Variants in MTBP observed in about 807,000 individuals in gnomAD.
MTBP encodes the protein MDM2 binding protein, also known as mdm2-binding protein.
MTBP carries 101 observed loss-of-function variants against 117.0 expected under a neutral mutation model. That is an observed-to-expected ratio of 0.86 (90% CI 0.73 to 1.02). The LOEUF is 1.02. MTBP is among the 50% of genes least tolerant of loss of function. The pLI is 0.00. For synonymous variants in MTBP, 350 were observed against 351.5 expected (o/e 1.00, Z 0.05); for missense variants, 970 against 1,030.9 (o/e 0.94, Z 0.81).
chr8:120,490,822 A>T (rs900882915), intron 13 of MTBP: 8 of 260,098 alleles, frequency 3.1e-5, no homozygotes, highest in African/African-American at 1.8e-4. Flanking sequence ...TGTATTTCAA[A>T]ATTTGTTTTT....
At chr8:120,506,441 A>C (rs1814686818) in intron 15 of MTBP, among the ~76,000 whole-genome samples, 1 of 152,210 alleles carries the variant, frequency 6.6e-6, no homozygotes, top group Non-Finnish European at 1.5e-5. Context: ...TCTTTTAAGT[A>C]GTTAAAATAC....
intron 2 of MTBP, among the ~76,000 whole-genome samples, chr8:120,446,957 T>C (rs970868842): frequency 6.6e-6 from 1 of 152,216 alleles, no homozygotes; most frequent in Non-Finnish European, 1.5e-5. Context: ...GATGAGCTTT[T>C]CTCAGTTCTT....
chr8:120,499,165 C>T (rs1319346079), intron 14 of MTBP, among the ~76,000 whole-genome samples: 1 of 152,098 alleles, frequency 6.6e-6, no homozygotes, highest in African/African-American at 2.4e-5. Context: ...ATTCTAGTAC[C>T]AGTACATTTC....
At chr8:120,486,998 T>C (rs1814235813) in intron 11 of MTBP, among the ~76,000 whole-genome samples, 1 of 152,162 alleles carries the variant, frequency 6.6e-6, no homozygotes, top group African/African-American at 2.4e-5. Flanking sequence ...TCATAGCCCC[T>C]AAAATAAACT....
At chr8:120,507,683 G>A (rs1005491844) in intron 16 of MTBP, among the ~76,000 whole-genome samples, 5 of 151,938 alleles carry the variant, frequency 3.3e-5, no homozygotes, top group African/African-American at 1.2e-4. Flanking sequence ...AAATATTGCT[G>A]GAACATTATT....
At chr8:120,490,327 G>A (rs1814316694) in intron 12 of MTBP, 136 bp from the exon 13 acceptor site, 2 of 587,022 alleles carry the variant, frequency 3.4e-6, no homozygotes, top group Non-Finnish European at 5.9e-6. Context: ...TTTGAAATAT[G>A]TAAGGTCGAG....
At chr8:120,508,164 A>C (rs1397872354) in intron 16 of MTBP, among the ~76,000 whole-genome samples, 1 of 152,182 alleles carries the variant, frequency 6.6e-6, no homozygotes, top group African/African-American at 2.4e-5. Flanking sequence ...CATGGTAATA[A>C]ATCAGGAACC....
intron 2 of MTBP, among the ~76,000 whole-genome samples, chr8:120,447,731 G>A (rs1031233514): frequency 1.3e-5 from 2 of 151,976 alleles, no homozygotes; most frequent in East Asian, 1.9e-4. Flanking sequence ...AATTTATTTT[G>A]TACCCTGTAA....
At chr8:120,472,298 G>A (rs1813832573) in intron 11 of MTBP, 1 of 152,092 alleles carries the variant, frequency 6.6e-6, no homozygotes, top group Non-Finnish European at 1.5e-5. Context: ...ATATCTATGT[G>A]GAAATTTAAA....
intron 2 of MTBP, among the ~76,000 whole-genome samples, chr8:120,447,936 T>TC (rs397958595): frequency 1.3e-5 from 2 of 151,848 alleles, no homozygotes; most frequent in Non-Finnish European, 2.9e-5. Flanking sequence ...ATTTTTTTTT[T>TC]CTTTTTTTGA....
At chr8:120,484,137 ATG>A (rs1301989426) in intron 11 of MTBP, among the ~76,000 whole-genome samples, 1 of 152,174 alleles carries the variant, frequency 6.6e-6, no homozygotes, top group African/African-American at 2.4e-5. Context: ...TTTAAAATAA[ATG>A]TGGAAAGAAT....
intron 14 of MTBP, among the ~76,000 whole-genome samples, chr8:120,500,936 A>T (rs1217710214): frequency 6.6e-6 from 1 of 152,040 alleles, no homozygotes; most frequent in Non-Finnish European, 1.5e-5. Context: ...TCACACCTGT[A>T]ATCCCAGCAC....
At chr8:120,521,574 G>A (rs2130625750) in intron 20 of MTBP, among the ~76,000 whole-genome samples, 1 of 152,258 alleles carries the variant, frequency 6.6e-6, no homozygotes, top group Middle Eastern at 3.4e-3. Context: ...GAAACATTAA[G>A]GTATAAATAA....
chr8:120,521,106 A>T (rs879514484), intron 20 of MTBP, among the ~76,000 whole-genome samples: 5 of 152,138 alleles, frequency 3.3e-5, no homozygotes, highest in Admixed American at 1.3e-4. Context: ...GGTTTAAAAA[A>T]TTTAATTAAA....
At position 120,518,685 on chromosome 8, in the gene MTBP, A is replaced by AT. The variant is rs1253504877; in HGVS notation, c.2497-18dup. ...GCCTTTTCCAAGAAATATTCGTCAT[A>AT]TGTTATGTTCTGTTCAAGATACTGA... On this transcript the variant is annotated intron_variant, in intron 19 of 21. Transcript: ENST00000305949. The AT allele has an allele frequency of 6.7e-7, 1 of 1,497,796 alleles. No individual in the cohort carries two copies. Among genetic ancestry groups the AT allele is most frequent in the Non-Finnish European group, 9.2e-7 (1 of 1,089,966 alleles). The allele number at this position is 1,497,796 out of a possible 1,614,324, so 92.8% of individuals were successfully genotyped here.
intron 11 of MTBP, among the ~76,000 whole-genome samples, chr8:120,480,992 TAAAAC>T (rs1260772746): frequency 1.1e-4 from 17 of 152,160 alleles, no homozygotes; most frequent in South Asian, 6.2e-4. Context: ...TTATATATAA[TAAAAC>T]AACCCAGTTA....
At chr8:120,470,993 C>T in intron 11 of MTBP, 56 bp downstream of exon 11, 1 of 1,188,422 alleles carries the variant, frequency 8.4e-7, no homozygotes. Context: ...ATGTATGTAT[C>T]AAATTTGAAG....
chr8:120,449,241 A>G (rs1813286968), intron 2 of MTBP, among the ~76,000 whole-genome samples: 1 of 152,140 alleles, frequency 6.6e-6, no homozygotes, highest in African/African-American at 2.4e-5. Flanking sequence ...GGATGAGAAA[A>G]GAATCAAGGA....
chr8:120,506,357 T>C (rs1814685228), intron 15 of MTBP, among the ~76,000 whole-genome samples: 2 of 152,120 alleles, frequency 1.3e-5, no homozygotes, highest in Non-Finnish European at 2.9e-5. Flanking sequence ...AGAATTTAGA[T>C]TTAAGTTTTA....
Sources: gnomAD v4.1 joint callset for allele counts (sites outside exome capture counted in the v4.1 genomes callset) on GRCh38, gnomAD v4.1.1 for gene constraint, MANE v1.5 for transcripts, NCBI Gene and HGNC (gene_info 2026-07-23, HGNC 2026-07-21) for gene names.